The following RMND5B variants were observed in gnomAD, a reference collection of about 807,000 sequenced individuals.
The protein encoded by RMND5B is E3 ubiquitin-protein transferase RMND5B.
A neutral mutation model predicts 50.4 loss-of-function variants in RMND5B; 42 were observed. That is an observed-to-expected ratio of 0.83 (90% confidence interval 0.65 to 1.08). The LOEUF (loss-of-function observed/expected upper bound fraction) is 1.08. RMND5B is among the 50% of genes least tolerant of loss of function. The pLI, the probability that RMND5B is intolerant of heterozygous loss-of-function variation, is 0.00. For missense variants in RMND5B, 463 were observed against 508.5 expected (o/e 0.91, Z 0.86); for synonymous variants, 220 against 210.0 (o/e 1.05, Z -0.41).
At chr5:178,147,347 A>G in intron 8 of RMND5B, 186 bp from the exon 9 acceptor site, 1 of 598,504 alleles carries the variant, frequency 1.7e-6, no homozygotes, top group South Asian at 2.0e-5. Flanking sequence ...ATGAGTCTGT[A>G]GAGTCAGACA....
At position 178,132,789 on chromosome 5, in the gene RMND5B, C is replaced by CAAAA. The variant is rs58710080; in HGVS notation, c.-13+1434_-13+1437dup. ...TATTAACTGAAGAGACCCTGCCTCA[C>CAAAA]AAAAAAAAAAAAAAAAAAAAAAAAG... On this transcript the variant is annotated intron_variant, in intron 2 of 10. Transcript: ENST00000313386. Among the ~76,000 whole-genome samples, 278 of 37,924 alleles carry CAAAA rather than the reference C, an allele frequency of 7.3e-3. 1 individual carries two copies. The highest frequency in any genetic ancestry group is 0.011 in the East Asian group (10 of 906). The allele number at this position is 37,924 out of a possible 152,430, so 24.9% of individuals were successfully genotyped here.
chr5:178,142,386 G>A (rs1758990781), intron 3 of RMND5B, 197 bp from the exon 4 acceptor site: 1 of 624,454 alleles, frequency 1.6e-6, no homozygotes, highest in Non-Finnish European at 2.8e-6. Flanking sequence ...AGGTGAACTG[G>A]CTTTTCCCAT....
At chr5:178,147,021 C>T (rs559777403) in intron 8 of RMND5B, 31 of 163,098 alleles carry the variant, frequency 1.9e-4, no homozygotes, top group East Asian at 3.6e-4. Flanking sequence ...GATTCTGTTG[C>T]GCAGGACTAC....
intron 6 of RMND5B, 27 bp from the exon 7 acceptor site, chr5:178,143,915 A>T (rs1294747554): frequency 6.2e-7 from 1 of 1,612,672 alleles, no homozygotes; most frequent in African/African-American, 1.3e-5. Flanking sequence ...CACCAGCTCT[A>T]CACTAAACTG....
At chr5:178,142,818 G>A (rs145887568) in intron 4 of RMND5B, 34 bp from the exon 5 acceptor site, 54 of 1,614,236 alleles carry the variant, frequency 3.3e-5, no homozygotes, top group East Asian at 2.5e-4. Context: ...AAGAGTGCCC[G>A]CATCACCAGG....
rs755073871 is a variant in RMND5B at position 178,146,234 on chromosome 5, C to T, written c.815C>T (p.Ala272Val). 7 of 1,614,074 alleles carry T rather than the reference C, an allele frequency of 4.3e-6. No homozygotes were observed. The East Asian group carries it at 8.9e-5, about 21-fold the overall frequency. ...ATCTGTGAGACCTTTACCCGGGACG[C>T]CTGTTCCCTGCTGGGGCTTTCTGTG... ...AEICETFTRD[A>V]CSLLGLSVES... The change falls in exon 8 of 11, where the codon GCC becomes GTC. Residue 272 changes from alanine (A) to valine (V), a missense_variant. Physicochemically the swap from Ala to Val is moderately conservative, Grantham distance 64. Coordinates refer to ENST00000313386, the MANE Select transcript of RMND5B (RefSeq NM_022762.5).
Position 178,142,744 on chromosome 5 carries a change from G to T in RMND5B, c.285+16G>T. The T allele has an allele frequency of 4.3e-6, 7 of 1,614,232 alleles. No homozygotes were observed. Among genetic ancestry groups the T allele is most frequent in the Non-Finnish European group, 5.9e-6 (7 of 1,180,048 alleles). On this transcript the variant is annotated intron_variant, in intron 4 of 10. Coordinates refer to ENST00000313386, the MANE Select transcript of RMND5B (RefSeq NM_022762.5). ...CATTGACAGGGTGAGCACGTGGCCG[G>T]CTCCAGGCGTGGGGTGGGAGCACCC...
rs181378351 is a variant in RMND5B at position 178,149,554 on chromosome 5, T to C, written c.*1522T>C. 1.4e-4 allele frequency: 110 copies of C among 791,154 alleles called. No individual in the cohort carries two copies. The African/African-American group carries it at 1.8e-3, about 13-fold the overall frequency. The allele number at this position is 791,154 out of a possible 1,614,324, so 49.0% of individuals were successfully genotyped here. A position where few individuals can be genotyped will look rare whatever the true frequency, so the allele number is the denominator to read the frequency against. On this transcript the variant is annotated 3_prime_UTR_variant, in exon 11 of 11. Coordinates refer to ENST00000313386, the MANE Select transcript of RMND5B (RefSeq NM_022762.5). ...GGCACTGATGGACAGAAGACTAGCATTACCTTCATGAAAGGGCTGTTAGAG... is the reference window on the plus strand; with the variant it reads ...GGCACTGATGGACAGAAGACTAGCACTACCTTCATGAAAGGGCTGTTAGAG...
In RMND5B at chr5:178,133,196, C is replaced by G. The variant is rs75325300; in HGVS notation, c.-13+1820C>G. 9.0e-3 allele frequency among the ~76,000 whole-genome samples: 1,362 copies of G among 152,156 alleles called. 19 individuals carry two copies. The highest frequency in any genetic ancestry group is 0.031 in the African/African-American group (1,306 of 41,504). ...CTAATCTTTGTCAGGCAAAAGGGACCTTTATGATTTGCTCAAACTTCCTTT... is the reference window on the plus strand; with the variant it reads ...CTAATCTTTGTCAGGCAAAAGGGACGTTTATGATTTGCTCAAACTTCCTTT... On this transcript the variant is annotated intron_variant, in intron 2 of 10. Coordinates refer to ENST00000313386, the MANE Select transcript of RMND5B (RefSeq NM_022762.5).
chr5:178,145,576 A>T lies in RMND5B; in HGVS notation c.695-538A>T, dbSNP rs1755956195. Among the ~76,000 whole-genome samples the T allele has an allele frequency of 3.3e-5, 5 of 151,736 alleles. No homozygotes were observed. The South Asian group carries it at 1.0e-3, about 32-fold the overall frequency. On this transcript the variant is annotated intron_variant, in intron 7 of 10. Transcript: ENST00000313386. ...CACAACCACGTCTGGCTAACTTTAT[A>T]TATTTTTTATTAGAGACGGGGTTTC...
Position 178,142,890 on chromosome 5 carries a change from G to C in RMND5B, c.324G>C (p.Ala108=). The part of the protein sequence containing the change: ...DSEICGVVSD[A]VWDAREQQQQ... Reference sequence around the variant, plus strand: ...AGATCTGTGGTGTTGTGTCAGATGCGGTGTGGGACGCGCGGGAACAGCAGC... The same window carrying C: ...AGATCTGTGGTGTTGTGTCAGATGCCGTGTGGGACGCGCGGGAACAGCAGC... The change falls in exon 5 of 11, where the codon GCG becomes GCC. Residue 108 remains alanine, a synonymous_variant. Transcript: ENST00000313386. 1.2e-6 allele frequency: 2 copies of C among 1,614,220 alleles called. No individual in the cohort carries two copies. Among genetic ancestry groups the C allele is most frequent in the Non-Finnish European group, 8.5e-7 (1 of 1,180,040 alleles).
intron 2 of RMND5B, among the ~76,000 whole-genome samples, chr5:178,133,254 CTAAA>C (rs1400014667): frequency 6.6e-6 from 1 of 152,182 alleles, no homozygotes; most frequent in Non-Finnish European, 1.5e-5. Flanking sequence ...TTTCAGGATG[CTAAA>C]TACTCCAGGA....
intron 7 of RMND5B, 143 bp downstream of exon 7, chr5:178,144,251 C>A: frequency 1.2e-6 from 1 of 804,058 alleles, no homozygotes; most frequent in Non-Finnish European, 1.9e-6. Context: ...ACTTCTCTGA[C>A]CCCTCGTGTC....
Position 178,147,893 on chromosome 5 carries a change from C to T in RMND5B, c.1118+10C>T. The stretch of plus-strand genomic sequence containing the variant: ...TCATTAATGGAGGAAAGTAAGTTCC[C>T]CGTGCTCTACTCCACCTTGGCTTGG... On this transcript the variant is annotated intron_variant, in intron 10 of 10. Coordinates refer to ENST00000313386, the MANE Select transcript of RMND5B (RefSeq NM_022762.5). The T allele has an allele frequency of 2.5e-6, 4 of 1,614,112 alleles. No homozygotes were observed. Among genetic ancestry groups the T allele is most frequent in the Non-Finnish European group, 3.4e-6 (4 of 1,180,016 alleles).
intron 2 of RMND5B, among the ~76,000 whole-genome samples, chr5:178,134,847 T>C (rs1247565275): frequency 6.6e-6 from 1 of 150,440 alleles, no homozygotes; most frequent in Non-Finnish European, 1.5e-5. Context: ...GGTGTGGTGG[T>C]GCACCTGTAA....
intron 6 of RMND5B, 54 bp downstream of exon 6, chr5:178,143,781 C>A (rs1581124958): frequency 6.8e-6 from 10 of 1,480,784 alleles, no homozygotes; most frequent in Middle Eastern, 1.7e-4. Context: ...TCTCAGGGCA[C>A]AGGGCTTGAC....
intron 3 of RMND5B, among the ~76,000 whole-genome samples, chr5:178,140,970 A>G (rs905978964): frequency 7.2e-5 from 11 of 152,074 alleles, no homozygotes; most frequent in Non-Finnish European, 1.2e-4. Flanking sequence ...CAACATGGTG[A>G]TTTTTCCTGC....
At chr5:178,146,887 T>A (rs1430021274) in intron 8 of RMND5B, 1 of 157,030 alleles carries the variant, frequency 6.4e-6, no homozygotes, top group African/African-American at 2.4e-5. Context: ...ATTTAGACTG[T>A]TGATGGTGTC....
chr5:178,142,708 G>A lies in RMND5B; in HGVS notation c.265G>A (p.Val89Met), dbSNP rs780505373. 3.7e-6 allele frequency: 6 copies of A among 1,614,122 alleles called. No individual in the cohort carries two copies. Among genetic ancestry groups the A allele is most frequent in the South Asian group, 1.1e-5 (1 of 91,094 alleles). Residue 89 changes from valine to methionine, a missense_variant, in exon 4 of 11, where the codon GTG becomes ATG. By Grantham distance (21) the Val-to-Met change is conservative (BLOSUM62 1). Coordinates refer to ENST00000313386, the MANE Select transcript of RMND5B (RefSeq NM_022762.5). ...GGACATTCACAGCAGTGTATCCCGA[G>A]TGGGCAAAGCCATTGACAGGGTGAG... ...HKDIHSSVSR[V>M]GKAIDRNFDS...
Sources: allele counts gnomAD v4.1 joint callset (sites outside exome capture counted in the v4.1 genomes callset), GRCh38; gene constraint gnomAD v4.1.1; transcripts MANE v1.5; gene names NCBI Gene and HGNC (gene_info 2026-07-23, HGNC 2026-07-21).